Variants in NPAS3 observed in about 807,000 individuals in gnomAD.
The protein encoded by NPAS3 is neuronal PAS domain-containing protein 3.
In NPAS3, 14 loss-of-function variants were observed where a neutral mutation model predicts 73.1. That is an observed-to-expected ratio of 0.19 (90% confidence interval 0.13 to 0.30). The LOEUF is 0.30. Ranked by LOEUF, NPAS3 falls within the 10% of genes least tolerant of loss-of-function variation. The pLI is 1.00. For missense variants in NPAS3, 1,096 were observed against 1,250.0 expected, an observed-to-expected ratio of 0.88 and a Z score of 1.86; for synonymous variants, 620 against 541.5, an observed-to-expected ratio of 1.14 and a Z score of -2.01.
intron 5 of NPAS3, among the ~76,000 whole-genome samples, chr14:33,642,383 A>G (rs1335187670): frequency 1.3e-5 from 2 of 152,236 alleles, no homozygotes; most frequent in Non-Finnish European, 2.9e-5. Flanking sequence ...GCAAGCGGCA[A>G]TAGATAACTG....
At chr14:33,522,878 C>T (rs192793146) in intron 4 of NPAS3, among the ~76,000 whole-genome samples, 63 of 152,240 alleles carry the variant, frequency 4.1e-4, no homozygotes, top group African/African-American at 1.5e-3. Context: ...TTGGTACATA[C>T]TTGCCTCATA....
chr14:33,439,085 A>G (rs908484036), intron 4 of NPAS3, among the ~76,000 whole-genome samples: 2 of 144,962 alleles, frequency 1.4e-5, no homozygotes, highest in African/African-American at 5.4e-5. Context: ...TCTTAGGAAA[A>G]TAGTACCTGT....
chr14:33,800,896 C>G lies in NPAS3; in HGVS notation c.2589C>G (p.Leu863=), dbSNP rs771441361. Residue 863 remains leucine, a synonymous_variant, in exon 12 of 12, where the codon CTC becomes CTG. Coordinates refer to ENST00000356141, the Ensembl canonical transcript of NPAS3. The surrounding 1 kb of genome is among the most constrained non-coding windows in gnomAD (Gnocchi z 6.5). ...ACGTTAACAGCCCCGGCTTTGGCCT[C>G]GACCCCAAGACGCCCATGGAGATGC... 6.2e-7 allele frequency: 1 copy of G among 1,607,790 alleles called. No homozygotes were observed. Among genetic ancestry groups the G allele is most frequent in the South Asian group, 1.1e-5 (1 of 89,676 alleles).
chr14:33,003,916 G>T (rs2038897392), intron 1 of NPAS3, among the ~76,000 whole-genome samples: 1 of 152,172 alleles, frequency 6.6e-6, no homozygotes, highest in Admixed American at 6.5e-5. Flanking sequence ...TTTGACATAA[G>T]AAAGGTATTG....
chr14:33,663,058 T>A (rs1454588820), intron 5 of NPAS3, among the ~76,000 whole-genome samples: 1 of 152,014 alleles, frequency 6.6e-6, no homozygotes, highest in Non-Finnish European at 1.5e-5. Flanking sequence ...CCTATTTGAA[T>A]ACCCTTTATT....
chr14:32,939,306 A>G (rs375341089), upstream of NPAS3: 1 of 737,360 alleles, frequency 1.4e-6, no homozygotes, highest in South Asian at 1.4e-5. Context: ...AGGAAAAAAA[A>G]TAGCAGGAAG....
chr14:33,642,650 C>G (rs923940792), intron 5 of NPAS3, among the ~76,000 whole-genome samples: 1 of 152,138 alleles, frequency 6.6e-6, no homozygotes, highest in African/African-American at 2.4e-5. Flanking sequence ...CTTGCTCTGT[C>G]TTTTTAAAGA....
At chr14:33,022,250 A>T (rs953632488) in intron 1 of NPAS3, among the ~76,000 whole-genome samples, 5 of 152,276 alleles carry the variant, frequency 3.3e-5, no homozygotes, top group African/African-American at 1.2e-4. Context: ...ATAACTTGAA[A>T]AATACATTGG....
rs10483442 is a variant in NPAS3, at chr14:33,415,344, C to T, written c.468+48076C>T. On this transcript the variant is annotated intron_variant, in intron 4 of 11. Transcript: ENST00000356141. ...TTTCTAGCCTTTCAGCCTAACTTAA[C>T]TGTATCCTTGCCATTTTGAGTAAAC... Among the ~76,000 whole-genome samples the T allele has an allele frequency of 2.6e-5, 4 of 152,060 alleles. No homozygotes were observed. In the East Asian group the frequency reaches 7.7e-4, roughly 29 times the overall value.
At chr14:33,335,286 T>C (rs2044174437) in intron 3 of NPAS3, among the ~76,000 whole-genome samples, 1 of 152,130 alleles carries the variant, frequency 6.6e-6, no homozygotes, top group Non-Finnish European at 1.5e-5. Context: ...ATTCTTATAG[T>C]GATGGACTGC....
intron 3 of NPAS3, among the ~76,000 whole-genome samples, chr14:33,312,649 A>C (rs1317709331): frequency 6.6e-6 from 1 of 152,042 alleles, no homozygotes. Context: ...TTATGGAATA[A>C]GTTGACAGGT....
chr14:33,137,890 T>G (rs1175879349), intron 2 of NPAS3, among the ~76,000 whole-genome samples: 2 of 152,098 alleles, frequency 1.3e-5, no homozygotes, highest in Non-Finnish European at 2.9e-5. Context: ...AGACTAGAGA[T>G]TCTCAATAGT....
chr14:33,580,066 G>A (rs1354858759), intron 5 of NPAS3, among the ~76,000 whole-genome samples: 1 of 152,020 alleles, frequency 6.6e-6, no homozygotes, highest in African/African-American at 2.4e-5. Flanking sequence ...CTTCCTACTG[G>A]GTAGTCTTGA....
At chr14:32,958,369 C>T (rs941719053) in intron 1 of NPAS3, among the ~76,000 whole-genome samples, 1 of 152,170 alleles carries the variant, frequency 6.6e-6, no homozygotes, top group African/African-American at 2.4e-5. Context: ...CCAATAGACA[C>T]TTTGAGTTGT....
In NPAS3 at chr14:32,940,431, C is replaced by G. The variant is rs943133807; in HGVS notation, c.50+1065C>G. Among the ~76,000 whole-genome samples the G allele has an allele frequency of 3.9e-5, 6 of 152,340 alleles. 1 individual carries two copies. The South Asian group carries it at 1.2e-3, about 32-fold the overall frequency. Reference sequence around the variant, plus strand: ...CCTACTTTCTTTGGAATCCTATTTACTATTAATTGGCAACGTTAATGACAT... The same window carrying G: ...CCTACTTTCTTTGGAATCCTATTTAGTATTAATTGGCAACGTTAATGACAT... On this transcript the variant is annotated intron_variant, in intron 1 of 11. Coordinates refer to ENST00000356141, the Ensembl canonical transcript of NPAS3.
intron 4 of NPAS3, among the ~76,000 whole-genome samples, chr14:33,521,977 C>T (rs1271459216): frequency 2.0e-5 from 3 of 152,060 alleles, no homozygotes; most frequent in African/African-American, 7.2e-5. Flanking sequence ...TAAATCTAGC[C>T]CTTTGGAAGC....
intron 3 of NPAS3, among the ~76,000 whole-genome samples, chr14:33,219,134 T>A (rs1228646118): frequency 2.0e-5 from 3 of 152,222 alleles, no homozygotes. Context: ...AAATAACTGA[T>A]GATTGTAACC....
chr14:33,388,455 A>G (rs1169407041), intron 4 of NPAS3, among the ~76,000 whole-genome samples: 1 of 151,944 alleles, frequency 6.6e-6, no homozygotes, highest in Non-Finnish European at 1.5e-5. Context: ...CGTGAAAAAA[A>G]AATTAATTTG....
At chr14:33,379,977 C>CGT (rs34208750) in intron 4 of NPAS3, among the ~76,000 whole-genome samples, 20,465 of 144,112 alleles carry the variant, frequency 0.14, 1,500 homozygotes, top group East Asian at 0.3. Flanking sequence ...AGTTATCCCT[C>CGT]GTGTGTGTGT....
Sources: allele counts gnomAD v4.1 joint callset (sites outside exome capture counted in the v4.1 genomes callset), GRCh38; gene constraint gnomAD v4.1.1; non-coding constraint Gnocchi (gnomAD v3.1); transcripts MANE v1.5; gene names NCBI Gene and HGNC (gene_info 2026-07-23, HGNC 2026-07-21).